The following TCF4 variants were observed in gnomAD, a reference collection of about 807,000 sequenced individuals.
TCF4 encodes the protein transcription factor 4.
TCF4 carries 3 observed loss-of-function variants against 82.1 expected under a neutral mutation model. The observed-to-expected ratio is 0.04, with a 90% CI of 0.02 to 0.09. TCF4 has a LOEUF of 0.09. TCF4 is among the 10% of genes least tolerant of loss of function. TCF4 has a pLI of 1.00. For missense variants in TCF4, 518 were observed against 852.7 expected (o/e 0.61, Z 4.89); for synonymous variants, 276 against 309.6 (o/e 0.89, Z 1.14).
chr18:55,491,275 G>T (rs149536402), intron 3 of TCF4, among the ~76,000 whole-genome samples: 2 of 152,066 alleles, frequency 1.3e-5, no homozygotes, highest in Non-Finnish European at 2.9e-5. Context: ...TCATGGGGGC[G>T]GGACGGCGGT....
chr18:55,596,086 A>G (rs2097690640), intron 2 of TCF4: 1 of 439,248 alleles, frequency 2.3e-6, no homozygotes, highest in Non-Finnish European at 4.6e-6. Flanking sequence ...TACAAAAATT[A>G]GCCTCGAGTG....
chr18:55,613,702 A>G (rs889584199), intron 2 of TCF4, among the ~76,000 whole-genome samples: 1 of 152,194 alleles, frequency 6.6e-6, no homozygotes, highest in Non-Finnish European at 1.5e-5. Flanking sequence ...ACACTTCTGA[A>G]CAGCTAGATC....
At chr18:55,351,942 T>G in intron 6 of TCF4, 1 of 804,506 alleles carries the variant, frequency 1.2e-6, no homozygotes, top group Non-Finnish European at 1.5e-6. Context: ...AATTAAGTAC[T>G]AAAAATCTAA....
chr18:55,511,066 A>C (rs1170844754), intron 3 of TCF4, among the ~76,000 whole-genome samples: 1 of 152,120 alleles, frequency 6.6e-6, no homozygotes, highest in African/African-American at 2.4e-5. Flanking sequence ...TTACGCATCA[A>C]GCTGGCAAAC....
chr18:55,250,778 T>C (rs546346862), intron 15 of TCF4, among the ~76,000 whole-genome samples: 9 of 152,240 alleles, frequency 5.9e-5, no homozygotes, highest in Admixed American at 3.3e-4. Context: ...CAAAATATAA[T>C]ATGTGAGACT....
At chr18:55,460,951 A>T in intron 5 of TCF4, 68 bp downstream of exon 5, 1 of 1,365,082 alleles carries the variant, frequency 7.3e-7, no homozygotes, top group Non-Finnish European at 1.0e-6. Flanking sequence ...TGTCTAGGAC[A>T]TGGTTTTACC....
chr18:55,505,386 AATT>A (rs1466134541), intron 3 of TCF4, among the ~76,000 whole-genome samples: 1 of 152,200 alleles, frequency 6.6e-6, no homozygotes, highest in Non-Finnish European at 1.5e-5. Flanking sequence ...ATAACATAAT[AATT>A]ATTATAGCTA....
At chr18:55,429,628 G>T (rs1230550419) in intron 5 of TCF4, among the ~76,000 whole-genome samples, 2 of 151,942 alleles carry the variant, frequency 1.3e-5, no homozygotes, top group East Asian at 3.9e-4. Flanking sequence ...GGGCATGGTG[G>T]TGGGCGCCTG....
chr18:55,263,824 T>C (rs189832212), intron 11 of TCF4, among the ~76,000 whole-genome samples: 1 of 152,166 alleles, frequency 6.6e-6, no homozygotes, highest in Admixed American at 6.5e-5. Flanking sequence ...TCTGCTTGAT[T>C]TGAATATAGA....
In TCF4 at chr18:55,431,231, C is replaced by T. The variant is rs1380219348; in HGVS notation, c.305-27713G>A. 2.6e-5 allele frequency among the ~76,000 whole-genome samples: 4 copies of T among 152,168 alleles called. No homozygotes were observed. In the East Asian group the frequency reaches 7.7e-4, roughly 29 times the overall value. On this transcript the variant is annotated intron_variant, in intron 5 of 19. Transcript: ENST00000354452. Reference sequence around the variant, plus strand: ...GGAACACATCTGAGAAACCTGACATCTCATCTAAATTTGTGGAACCCCTAC... The same window carrying T: ...GGAACACATCTGAGAAACCTGACATTTCATCTAAATTTGTGGAACCCCTAC...
chr18:55,572,213 T>C (rs904760487), intron 3 of TCF4, among the ~76,000 whole-genome samples: 15 of 152,204 alleles, frequency 9.9e-5, no homozygotes, highest in Non-Finnish European at 1.2e-4. Flanking sequence ...GATATCAGGA[T>C]CCAACCCATG....
At position 55,606,115 on chromosome 18, in the gene TCF4, C is replaced by T. The variant is rs569729645; in HGVS notation, c.287-18979G>A. On this transcript the variant is annotated intron_variant, in intron 2 of 20. Transcript: ENST00000398339. ...TATGCTTCTGCAGTTAGGGTGCTTCCCCATTCCAGTCCCTAATACAGTATG... is the reference window on the plus strand; with the variant it reads ...TATGCTTCTGCAGTTAGGGTGCTTCTCCATTCCAGTCCCTAATACAGTATG... Among the ~76,000 whole-genome samples, 11 of 152,284 alleles carry T rather than the reference C, an allele frequency of 7.2e-5. No homozygotes were observed. In the East Asian group the frequency reaches 2.1e-3, roughly 29 times the overall value.
chr18:55,631,422 G>A (rs11665068), intron 1 of TCF4: 1 of 1,540,198 alleles, frequency 6.5e-7, no homozygotes, highest in Non-Finnish European at 8.8e-7. Flanking sequence ...GGACATGTTA[G>A]AATGAAGGCA....
intron 5 of TCF4, among the ~76,000 whole-genome samples, chr18:55,460,474 T>C (rs894411381): frequency 3.3e-5 from 5 of 152,178 alleles, no homozygotes; most frequent in African/African-American, 1.2e-4. Context: ...TAAAGCAGGA[T>C]GGGGTCTGCC....
At chr18:55,250,799 A>T (rs2054821498) in intron 15 of TCF4, among the ~76,000 whole-genome samples, 1 of 152,218 alleles carries the variant, frequency 6.6e-6, no homozygotes, top group South Asian at 2.1e-4. Context: ...CGAGGAATTT[A>T]CAACAGTTGG....
intron 3 of TCF4, chr18:55,492,321 C>G (rs1439172367): frequency 6.6e-6 from 1 of 152,140 alleles, no homozygotes; most frequent in Non-Finnish European, 1.5e-5. Context: ...AATTTCTTCA[C>G]TGTATGAATT....
In TCF4 at chr18:55,523,909, C is replaced by T. The variant is rs191648710; in HGVS notation, c.146-59772G>A. Among the ~76,000 whole-genome samples, 25 of 151,946 alleles carry T rather than the reference C, an allele frequency of 1.6e-4. No individual in the cohort carries two copies. The East Asian group carries it at 4.6e-3, about 28-fold the overall frequency. Reference sequence around the variant, plus strand: ...CACACAGATTTAAAATGAAAAATACCACCAATATTCCAATTGTTCTAGTAC... The same window carrying T: ...CACACAGATTTAAAATGAAAAATACTACCAATATTCCAATTGTTCTAGTAC... On this transcript the variant is annotated intron_variant, in intron 3 of 19. Transcript: ENST00000354452.
At chr18:55,585,141 G>T (rs2097626807) in intron 3 of TCF4, 139 bp downstream of exon 3, 4 of 765,158 alleles carry the variant, frequency 5.2e-6, no homozygotes, top group Non-Finnish European at 9.3e-6. Context: ...TACCACTGAT[G>T]GGTAATGCAA....
intron 8 of TCF4, among the ~76,000 whole-genome samples, chr18:55,280,262 T>A (rs910726329): frequency 6.6e-6 from 1 of 152,128 alleles, no homozygotes; most frequent in South Asian, 2.1e-4. Context: ...CCACCAACAA[T>A]CAGTGTGTGC....
Sources: gnomAD v4.1 joint callset for allele counts (sites outside exome capture counted in the v4.1 genomes callset) on GRCh38, gnomAD v4.1.1 for gene constraint, MANE v1.5 for transcripts, NCBI Gene and HGNC (gene_info 2026-07-23, HGNC 2026-07-21) for gene names.